The following PDE4D variants were observed in gnomAD, a reference collection of about 807,000 sequenced individuals.
PDE4D encodes the protein 3',5'-cyclic-AMP phosphodiesterase 4D.
A neutral mutation model predicts 87.4 loss-of-function variants in PDE4D; 24 were observed. The ratio of observed to expected loss-of-function variants is 0.27; its 90% CI spans 0.20 to 0.39. PDE4D has a LOEUF of 0.39. Among genes scored for constraint, PDE4D ranks in the 10% least tolerant of loss-of-function variants. PDE4D has a pLI of 1.00. For synonymous variants in PDE4D, 384 were observed against 383.2 expected (o/e 1.00, Z -0.02); for missense variants, 714 against 1,041.0 (o/e 0.69, Z 4.32).
At position 59,053,655 on chromosome 5, in the gene PDE4D, G is replaced by GTT. The variant is rs1367942598; in HGVS notation, c.809-14686_809-14685dup. 4.7e-4 allele frequency among the ~76,000 whole-genome samples: 35 copies of GTT among 74,900 alleles called. 1 individual carries two copies. In the East Asian group the frequency reaches 5.2e-3, roughly 11 times the overall value. 49.1% of individuals were successfully genotyped at this position (74,900 alleles called of 152,430 possible). A position where few individuals can be genotyped will look rare whatever the true frequency, so the allele number is the denominator to read the frequency against. ...GTTGTTTTGTTTTTTGTTTTTTTTT[G>GTT]TTGTTGTTTTTTTTTTTTGGCCAGG... is the stretch of plus-strand genomic sequence containing the variant. On this transcript the variant is annotated intron_variant, in intron 5 of 14. Transcript: ENST00000340635.
intron 1 of PDE4D, among the ~76,000 whole-genome samples, chr5:60,217,167 A>G (rs1232586770): frequency 6.6e-6 from 1 of 152,078 alleles, no homozygotes; most frequent in Non-Finnish European, 1.5e-5. Context: ...GAAGACAAAT[A>G]TTGTATAATT....
At position 59,167,338 on chromosome 5, in the gene PDE4D, A is replaced by C. The variant is rs552903772; in HGVS notation, c.808+13257T>G. On this transcript the variant is annotated intron_variant, in intron 5 of 14. Transcript: ENST00000340635. ...GAGATTTTTTTCTATGGGAGGATAA[A>C]ACCTAGGTCTGTCTCTGTAGAAGCA... 7.9e-5 allele frequency among the ~76,000 whole-genome samples: 12 copies of C among 152,276 alleles called. No homozygotes were observed. The South Asian group carries it at 2.5e-3, about 32-fold the overall frequency.
chr5:59,261,186 C>T (rs1420019635), intron 1 of PDE4D, among the ~76,000 whole-genome samples: 2 of 151,762 alleles, frequency 1.3e-5, no homozygotes, highest in African/African-American at 4.8e-5. Context: ...TCCTTAAGGG[C>T]AGGCCTTTTA....
At chr5:59,883,165 A>T (rs1407420014) in intron 1 of PDE4D, among the ~76,000 whole-genome samples, 1 of 152,246 alleles carries the variant, frequency 6.6e-6, no homozygotes, top group Non-Finnish European at 1.5e-5. Flanking sequence ...ACACTTGAGA[A>T]TTAGGTTGGG....
intron 3 of PDE4D, among the ~76,000 whole-genome samples, chr5:59,964,712 CT>C (rs1413322436): frequency 6.6e-6 from 1 of 152,126 alleles, no homozygotes; most frequent in Non-Finnish European, 1.5e-5. Flanking sequence ...CCTGATTGGT[CT>C]CTCCACAGAA....
At chr5:59,913,523 T>A (rs1271876026) in intron 3 of PDE4D, among the ~76,000 whole-genome samples, 2 of 152,194 alleles carry the variant, frequency 1.3e-5, no homozygotes, top group African/African-American at 4.8e-5. Context: ...GCTTATTTTC[T>A]TTCACTGTGG....
intron 1 of PDE4D, among the ~76,000 whole-genome samples, chr5:60,234,599 G>A (rs952323506): frequency 5.3e-5 from 8 of 151,830 alleles, no homozygotes; most frequent in East Asian, 1.9e-4. Flanking sequence ...CTTTCTGGAA[G>A]GAACTTGTGA....
intron 1 of PDE4D, among the ~76,000 whole-genome samples, chr5:59,731,165 T>C (rs760865424): frequency 9.9e-5 from 15 of 152,038 alleles, no homozygotes; most frequent in South Asian, 4.1e-4. Context: ...GGCAAGTATA[T>C]GAAATTGTTC....
At chr5:60,330,578 G>A (rs1231595929) in intron 1 of PDE4D, among the ~76,000 whole-genome samples, 1 of 152,094 alleles carries the variant, frequency 6.6e-6, no homozygotes, top group African/African-American at 2.4e-5. Flanking sequence ...ACACATGGAA[G>A]AACTACAGCC....
chr5:59,778,739 A>G (rs1764317950), intron 1 of PDE4D, among the ~76,000 whole-genome samples: 1 of 152,228 alleles, frequency 6.6e-6, no homozygotes, highest in South Asian at 2.1e-4. Flanking sequence ...ACAGGTAGAA[A>G]AGGAAGGAGG....
chr5:59,650,327 C>A (rs770222015), intron 1 of PDE4D, among the ~76,000 whole-genome samples: 15 of 152,264 alleles, frequency 9.9e-5, no homozygotes, highest in Non-Finnish European at 1.9e-4. Context: ...AGAAAAGCCT[C>A]AGAAGCTCTT....
chr5:59,048,355 G>A (rs1218474849), intron 5 of PDE4D, among the ~76,000 whole-genome samples: 3 of 152,136 alleles, frequency 2.0e-5, no homozygotes, highest in African/African-American at 7.2e-5. Flanking sequence ...ATCAATCTTA[G>A]GATATAACAG....
intron 2 of PDE4D, among the ~76,000 whole-genome samples, chr5:60,081,842 C>T (rs564003860): frequency 6.6e-6 from 1 of 152,160 alleles, no homozygotes; most frequent in African/African-American, 2.4e-5. Context: ...CCTAGTCCCT[C>T]TGGACAATTC....
intron 1 of PDE4D, among the ~76,000 whole-genome samples, chr5:59,251,950 T>C (rs377144516): frequency 6.6e-5 from 10 of 152,254 alleles, no homozygotes; most frequent in African/African-American, 2.4e-4. Flanking sequence ...ATGTTCTCAC[T>C]TATAAGTGGG....
intron 1 of PDE4D, among the ~76,000 whole-genome samples, chr5:59,503,288 CTT>C (rs996396529): frequency 3.9e-5 from 6 of 152,124 alleles, no homozygotes; most frequent in African/African-American, 1.2e-4. Flanking sequence ...TCCTCAGAAA[CTT>C]ATGCTTTCAA....
chr5:59,220,354 G>A (rs1312159417), intron 1 of PDE4D, among the ~76,000 whole-genome samples: 10 of 125,764 alleles, frequency 8.0e-5, no homozygotes, highest in Non-Finnish European at 1.6e-4. Context: ...CTCCAATCTA[G>A]GCGACAGAGC....
At chr5:60,086,953 T>C (rs2152907624) in intron 2 of PDE4D, among the ~76,000 whole-genome samples, 1 of 152,360 alleles carries the variant, frequency 6.6e-6, no homozygotes, top group African/African-American at 2.4e-5. Context: ...GGCCCAAATC[T>C]GTGGCTGAAT....
At chr5:59,170,383 TA>T (rs1264188697) in intron 5 of PDE4D, among the ~76,000 whole-genome samples, 2 of 152,298 alleles carry the variant, frequency 1.3e-5, no homozygotes, top group South Asian at 4.1e-4. Context: ...CAATAATCCA[TA>T]AAATGCTGCC....
At chr5:59,476,578 C>T (rs1346809589) in intron 1 of PDE4D, among the ~76,000 whole-genome samples, 1 of 152,060 alleles carries the variant, frequency 6.6e-6, no homozygotes. Flanking sequence ...TTATTCTCTC[C>T]TGGCAGTTTT....
Sources: allele counts gnomAD v4.1 joint callset (sites outside exome capture counted in the v4.1 genomes callset), GRCh38; gene constraint gnomAD v4.1.1; transcripts MANE v1.5; gene names NCBI Gene and HGNC (gene_info 2026-07-23, HGNC 2026-07-21).